The following ULK4 variants were observed in gnomAD, a reference collection of about 807,000 sequenced individuals.
ULK4 encodes the protein inactive serine/threonine-protein kinase ULK4.
A neutral mutation model predicts 160.6 loss-of-function variants in ULK4; 133 were observed. The ratio of observed to expected loss-of-function variants is 0.83; its 90% CI spans 0.72 to 0.96. The LOEUF (loss-of-function observed/expected upper bound fraction) is 0.96, where lower values mean the gene tolerates loss of function less well. Among genes scored for constraint, ULK4 ranks in the 40% least tolerant of loss-of-function variants. ULK4 has a pLI of 0.00. For missense variants in ULK4, 1,580 were observed against 1,499.5 expected (o/e 1.05, Z -0.89); for synonymous variants, 534 against 539.8 (o/e 0.99, Z 0.15).
intron 35 of ULK4, among the ~76,000 whole-genome samples, chr3:41,344,524 G>A (rs970207747): frequency 8.6e-5 from 13 of 152,008 alleles, no homozygotes; most frequent in African/African-American, 3.1e-4. Flanking sequence ...GGCTGAGGTG[G>A]GTGGATCACT....
intron 32 of ULK4, among the ~76,000 whole-genome samples, chr3:41,492,419 TG>T (rs2084812757): frequency 7.3e-6 from 1 of 136,594 alleles, no homozygotes; most frequent in Non-Finnish European, 1.6e-5. Context: ...AAAGAGCTCC[TG>T]AAGGAAGCAC....
intron 35 of ULK4, among the ~76,000 whole-genome samples, chr3:41,317,019 A>G (rs2080154848): frequency 6.8e-6 from 1 of 147,466 alleles, no homozygotes; most frequent in Non-Finnish European, 1.5e-5. Flanking sequence ...TATATGTACT[A>G]TTTAATGATT....
intron 31 of ULK4, among the ~76,000 whole-genome samples, chr3:41,611,693 T>C (rs2125677574): frequency 6.6e-6 from 1 of 152,268 alleles, no homozygotes; most frequent in East Asian, 1.9e-4. Context: ...GTCCCAAACC[T>C]GTAGCCAATC....
chr3:41,948,826 G>T (rs1700192382), intron 2 of ULK4, among the ~76,000 whole-genome samples: 1 of 151,758 alleles, frequency 6.6e-6, no homozygotes, highest in African/African-American at 2.4e-5. Flanking sequence ...ACTCAATGGT[G>T]AAAGAGTAAA....
At chr3:41,446,074 A>G (rs1182250447) in intron 34 of ULK4, among the ~76,000 whole-genome samples, 1 of 152,226 alleles carries the variant, frequency 6.6e-6, no homozygotes, top group African/African-American at 2.4e-5. Context: ...GGATATGAAC[A>G]GACACTTCTC....
chr3:41,415,964 T>C (rs2082518052), intron 34 of ULK4, among the ~76,000 whole-genome samples: 1 of 152,224 alleles, frequency 6.6e-6, no homozygotes, highest in African/African-American at 2.4e-5. Flanking sequence ...ATGATGTGAA[T>C]TTTTATATGT....
chr3:41,824,307 G>A (rs138301857), intron 18 of ULK4, among the ~76,000 whole-genome samples: 4,364 of 152,000 alleles, frequency 0.029, 222 homozygotes, highest in African/African-American at 0.1. Flanking sequence ...GGGGAGTGTC[G>A]GACAGTGGGT....
At position 41,691,670 on chromosome 3, in the gene ULK4, G is replaced by A. The variant is rs1245121488; in HGVS notation, c.2782-9866C>T. ...CCATTGATTTTTATCTAAAGTAGTGGCTAAATTGTCTTAGGACCTGAGAAA... is the reference window on the plus strand; with the variant it reads ...CCATTGATTTTTATCTAAAGTAGTGACTAAATTGTCTTAGGACCTGAGAAA... On this transcript the variant is annotated intron_variant, in intron 27 of 36. Transcript: ENST00000301831. 4.6e-5 allele frequency among the ~76,000 whole-genome samples: 7 copies of A among 151,636 alleles called. No homozygotes were observed. The East Asian group carries it at 5.8e-4, about 13-fold the overall frequency.
chr3:41,488,703 C>T (rs1047928579), intron 32 of ULK4, among the ~76,000 whole-genome samples: 2 of 152,202 alleles, frequency 1.3e-5, no homozygotes, highest in Non-Finnish European at 2.9e-5. Context: ...AAGTGAAACT[C>T]TTGCTACATT....
intron 21 of ULK4, among the ~76,000 whole-genome samples, chr3:41,774,089 T>C (rs1695898798): frequency 6.6e-6 from 1 of 152,166 alleles, no homozygotes. Flanking sequence ...GATTAAAGAC[T>C]TAAATGTTAG....
At chr3:41,819,291 C>T (rs1269736707) in intron 19 of ULK4, 132 bp downstream of exon 19, 9 of 743,364 alleles carry the variant, frequency 1.2e-5, no homozygotes, top group South Asian at 3.0e-5. Context: ...GGTAGGTTGT[C>T]GGGATTATTT....
At chr3:41,291,795 T>C (rs550514022) in intron 35 of ULK4, among the ~76,000 whole-genome samples, 24 of 152,122 alleles carry the variant, frequency 1.6e-4, no homozygotes, top group African/African-American at 5.8e-4. Flanking sequence ...GTATTTTGCT[T>C]ATGAACATTC....
At chr3:41,327,452 G>A (rs1331607157) in intron 35 of ULK4, among the ~76,000 whole-genome samples, 1 of 152,006 alleles carries the variant, frequency 6.6e-6, no homozygotes, top group East Asian at 1.9e-4. Context: ...CTGGCACCTG[G>A]TCACTGGCTA....
intron 18 of ULK4, among the ~76,000 whole-genome samples, chr3:41,831,008 T>TATTA (rs2041562345): frequency 1.4e-5 from 1 of 73,254 alleles, no homozygotes; most frequent in Admixed American, 1.1e-4. Flanking sequence ...GTTTTTATTA[T>TATTA]TTTTTTTATT....
intron 30 of ULK4, 46 bp from the exon 31 acceptor site, chr3:41,615,763 T>A (rs1312419902): frequency 1.3e-6 from 2 of 1,558,086 alleles, no homozygotes; most frequent in Non-Finnish European, 1.8e-6. Context: ...AGACAATTCA[T>A]ATTTGCACTG....
At chr3:41,527,896 T>C (rs1278509821) in intron 32 of ULK4, among the ~76,000 whole-genome samples, 1 of 152,248 alleles carries the variant, frequency 6.6e-6, no homozygotes, top group African/African-American at 2.4e-5. Context: ...AGTTTTATAA[T>C]ATTTCCTTAA....
At chr3:41,763,550 T>C (rs1373837977) in intron 21 of ULK4, among the ~76,000 whole-genome samples, 2 of 152,244 alleles carry the variant, frequency 1.3e-5, no homozygotes, top group Admixed American at 6.5e-5. Context: ...TGGCATTTTA[T>C]TGTCATATAA....
chr3:41,284,502 C>G (rs1037460976), intron 35 of ULK4, among the ~76,000 whole-genome samples: 1 of 152,090 alleles, frequency 6.6e-6, no homozygotes, highest in African/African-American at 2.4e-5. Context: ...GGAAAGGACA[C>G]CCCTTTCAAC....
chr3:41,295,262 G>C (rs897504837), intron 35 of ULK4, among the ~76,000 whole-genome samples: 1 of 77,566 alleles, frequency 1.3e-5, no homozygotes, highest in Non-Finnish European at 3.2e-5. Flanking sequence ...CATGAATGCA[G>C]ACACAGATCT....
Sources: allele counts gnomAD v4.1 joint callset (sites outside exome capture counted in the v4.1 genomes callset), GRCh38; gene constraint gnomAD v4.1.1; transcripts MANE v1.5; gene names NCBI Gene and HGNC (gene_info 2026-07-23, HGNC 2026-07-21).